NEB: variants seen among roughly 807,000 people sequenced by gnomAD.
NEB encodes the protein nebulin, also known as nemaline myopathy type 2.
A neutral mutation model predicts 952.2 loss-of-function variants in NEB; 512 were observed. The ratio of observed to expected loss-of-function variants is 0.54; its 90% CI spans 0.50 to 0.58. The LOEUF (loss-of-function observed/expected upper bound fraction) is 0.58, where lower values mean the gene tolerates loss of function less well. NEB is among the 20% of genes least tolerant of loss of function. The pLI, the probability that NEB is intolerant of heterozygous loss-of-function variation, is 0.00. For missense variants in NEB, 8,428 were observed against 9,231.1 expected (o/e 0.91, Z 3.56); for synonymous variants, 2,900 against 3,149.8 (o/e 0.92, Z 2.66).
At chr2:151,578,852 C>A (rs867161447) in intron 105 of NEB, among the ~76,000 whole-genome samples, 6 of 151,852 alleles carry the variant, frequency 4.0e-5, no homozygotes, top group Non-Finnish European at 7.4e-5. Flanking sequence ...AAGGCTGAGA[C>A]GGGTGGATCA....
chr2:151,712,651 A>G (rs982224248), intron 10 of NEB, among the ~76,000 whole-genome samples: 2 of 152,140 alleles, frequency 1.3e-5, no homozygotes, highest in Non-Finnish European at 2.9e-5. Context: ...CTACTGAGGA[A>G]GTTATGGCCT....
intron 60 of NEB, among the ~76,000 whole-genome samples, chr2:151,641,751 C>A (rs2098854310): frequency 1.3e-5 from 2 of 151,956 alleles, no homozygotes. Context: ...AGAAAAAAAT[C>A]TAGAGTTTTT....
chr2:151,671,192 C>A lies in NEB; in HGVS notation c.4337G>T (p.Gly1446Val), dbSNP rs541803470. Residue 1446 changes from glycine to valine, a missense_variant, in exon 38 of 182, where the codon GGC (glycine) becomes GTC (valine). This residue lies in a region of NEB where 2,851 missense variants were observed against 2,791.5 expected (regional missense o/e 1.02). Coordinates refer to ENST00000397345, the MANE Select transcript of NEB (RefSeq NM_001164508.2). ...GGAACCAATAGGGATCCATCCGATG[C>A]CCTTCAAGAAGCTGTTATACTCGTC... ...YKDEYNSFLKGIGWIPIGSLE... is the reference protein window; with the variant it reads ...YKDEYNSFLKVIGWIPIGSLE... 18 of 1,613,900 alleles carry A rather than the reference C, an allele frequency of 1.1e-5. No homozygotes were observed. The highest frequency in any genetic ancestry group is 1.5e-5 in the Non-Finnish European group (18 of 1,179,816).
intron 73 of NEB, 67 bp downstream of exon 73, chr2:151,619,384 A>T: frequency 7.0e-7 from 1 of 1,438,368 alleles, no homozygotes; most frequent in Non-Finnish European, 9.5e-7. Context: ...CATTGGCACT[A>T]GTCAGAACTC....
At position 151,545,756 on chromosome 2, in the gene NEB, T is replaced by C. The variant is rs2094591272; in HGVS notation, c.20577+132A>G. The C allele has an allele frequency of 1.0e-5, 6 of 601,994 alleles. No individual in the cohort carries two copies. In the South Asian group the frequency reaches 1.3e-4, roughly 13 times the overall value. 37.3% of individuals were successfully genotyped at this position (601,994 alleles called of 1,614,324 possible). ...CTTAGACATAGTAGCCATTCCACAGTTAAGAGGGGAAATATTTTACCTGCC... is the reference window on the plus strand; with the variant it reads ...CTTAGACATAGTAGCCATTCCACAGCTAAGAGGGGAAATATTTTACCTGCC... On this transcript the variant is annotated intron_variant, in intron 135 of 181. Transcript: ENST00000397345.
intron 47 of NEB, 109 bp from the exon 48 acceptor site, chr2:151,658,199 A>C: frequency 2.7e-6 from 2 of 742,088 alleles, no homozygotes; most frequent in Non-Finnish European, 4.4e-6. Flanking sequence ...TTTGAGCAGA[A>C]TGCTTCGTTG....
chr2:151,491,835 C>T (rs1228710451), intron 178 of NEB, 60 bp from the exon 179 acceptor site: 50 of 1,357,126 alleles, frequency 3.7e-5, no homozygotes, highest in Non-Finnish European at 4.8e-5. Flanking sequence ...AACTTGAAAA[C>T]CAAGGCATGA....
chr2:151,568,131 A>G lies in NEB; in HGVS notation c.17784T>C (p.Ile5928=), dbSNP rs969871854. ...GWERQKATGY[I]LPPDAVPFVH... ...CAAATGGCACAGCATCTGGAGGCAA[A>G]ATGTAACCTGTGGCTTTTTGTCTCT... The change falls in exon 113 of 182, where the codon ATT becomes ATC. Residue 5928 remains isoleucine, a synonymous_variant. Transcript: ENST00000397345. 1.2e-6 allele frequency: 2 copies of G among 1,613,722 alleles called. No homozygotes were observed. The highest frequency in any genetic ancestry group is 1.7e-5 in the Admixed American group (1 of 59,984).
At chr2:151,504,924 A>T (rs927371728) in intron 165 of NEB, among the ~76,000 whole-genome samples, 3 of 152,068 alleles carry the variant, frequency 2.0e-5, no homozygotes, top group African/African-American at 7.2e-5. Context: ...GTACCACTGC[A>T]TTTACTAGAT....
chr2:151,502,775 T>C lies in NEB; in HGVS notation c.23928+18A>G. 1 of 1,404,420 alleles carries C rather than the reference T, an allele frequency of 7.1e-7. No homozygotes were observed. The highest frequency in any genetic ancestry group is 1.0e-6 in the Non-Finnish European group (1 of 994,548). 87.0% of individuals were successfully genotyped at this position (1,404,420 alleles called of 1,614,324 possible). A position where few individuals can be genotyped will look rare whatever the true frequency, so the allele number is the denominator to read the frequency against. On this transcript the variant is annotated intron_variant, in intron 167 of 181. Coordinates refer to ENST00000397345, the MANE Select transcript of NEB (RefSeq NM_001164508.2). ...TAAAATTAAGGGATTTTTTTTTTTT[T>C]GGCCCCCTAAGAAATACCGAGCTAA...
chr2:151,501,640 T>G (rs2153077981), intron 167 of NEB, among the ~76,000 whole-genome samples, 157 bp from the exon 168 acceptor site: 1 of 152,306 alleles, frequency 6.6e-6, no homozygotes, highest in Non-Finnish European at 1.5e-5. Context: ...TAGATCCCCT[T>G]TGGACATTTA....
In NEB at chr2:151,636,314, A is replaced by G. The variant is rs576142462; in HGVS notation, c.9015T>C (p.Asn3005=). The G allele has an allele frequency of 4.4e-6, 7 of 1,607,312 alleles. No individual in the cohort carries two copies. In the South Asian group the frequency reaches 6.6e-5, roughly 15 times the overall value. Residue 3005 remains asparagine, a synonymous_variant, in exon 64 of 182, where the codon AAT becomes AAC. Transcript: ENST00000397345. ...NYSESLYKLA[N]EEAKKKGYDL... is the part of the protein sequence containing the mutation. ...CATAGCCTTTCTTCTTTGCTTCTTC[A>G]TTAGCAAGTTTGTACAGACTCTAAA...
At position 151,627,201 on chromosome 2, in the gene NEB, A is replaced by T; in HGVS notation, c.10148T>A (p.Ile3383Asn). 2 of 1,613,760 alleles carry T rather than the reference A, an allele frequency of 1.2e-6. No individual in the cohort carries two copies. Among genetic ancestry groups the T allele is most frequent in the Non-Finnish European group, 1.7e-6 (2 of 1,179,688 alleles). ...RQAYDLQSDN[I>N]YKSDLQWLRG... Reference sequence around the variant, plus strand: ...CAGCCACTGGAGATCAGATTTGTAAATGTTCTGGAGAGATTAAACACAAAA... The same window carrying T: ...CAGCCACTGGAGATCAGATTTGTAATTGTTCTGGAGAGATTAAACACAAAA... The change falls in exon 70 of 182, where the codon ATT (isoleucine) becomes AAT (asparagine). Residue 3383 changes from isoleucine to asparagine, a missense_variant. Transcript: ENST00000397345.
At chr2:151,714,917 T>C (rs946372305) in intron 10 of NEB, among the ~76,000 whole-genome samples, 2 of 152,174 alleles carry the variant, frequency 1.3e-5, no homozygotes, top group African/African-American at 4.8e-5. Flanking sequence ...TGGTTTGTTG[T>C]TGGGTGGACT....
rs373259828 is a variant in NEB, at chr2:151,568,064, G to A, written c.17844+7C>T. ...TTGCAAAATGCACTCCCATCAGGAT[G>A]TATTACCTCACTCTGAACGTCATTG... On this transcript the variant is annotated splice_region_variant and intron_variant, in intron 113 of 181. Transcript: ENST00000397345. 1.2e-4 allele frequency: 194 copies of A among 1,609,508 alleles called. No individual in the cohort carries two copies. Among genetic ancestry groups the A allele is most frequent in the East Asian group, 2.2e-4 (10 of 44,782 alleles).
intron 13 of NEB, among the ~76,000 whole-genome samples, 171 bp from the exon 14 acceptor site, chr2:151,697,819 C>T (rs1339514329): frequency 6.6e-6 from 1 of 152,222 alleles, no homozygotes; most frequent in Admixed American, 6.5e-5. Flanking sequence ...GTAATCCCAG[C>T]ACTTTAGGAG....
At chr2:151,488,319 G>GA (rs1287781264) in intron 181 of NEB, among the ~76,000 whole-genome samples, 1 of 151,764 alleles carries the variant, frequency 6.6e-6, no homozygotes, top group African/African-American at 2.4e-5. Context: ...CTAGATTTTG[G>GA]AATTTGCCTG....
rs187681782 is a variant in NEB, at chr2:151,550,502, A to G, written c.19945-762T>C. Among the ~76,000 whole-genome samples the G allele has an allele frequency of 5.3e-5, 8 of 152,290 alleles. 1 individual carries two copies. In the East Asian group the frequency reaches 1.5e-3, roughly 29 times the overall value. ...CTTCCAAACACAGTGTGTTGACATC[A>G]GGCCGTGAAGAGGTCAGGATGCATG... is the stretch of plus-strand genomic sequence containing the variant. On this transcript the variant is annotated intron_variant, in intron 129 of 181. Transcript: ENST00000397345.
chr2:151,666,151 G>C lies in NEB; in HGVS notation c.4970C>G (p.Thr1657Ser). The change falls in exon 41 of 182, where the codon ACT becomes AGT. Residue 1657 changes from threonine (T) to serine (S), a missense_variant. By Grantham distance (58) the Thr-to-Ser change is moderately conservative. Transcript: ENST00000397345. ...CACATTCAAGGCATCGGGCAGGAGA[G>C]TGTAGTGGTGGTATGACTGTCTGTA... ...ANYRQSYHHY[T>S]LLPDALNVEH... is the part of the protein sequence containing the mutation. 3 of 1,613,970 alleles carry C rather than the reference G, an allele frequency of 1.9e-6. No individual in the cohort carries two copies. Among genetic ancestry groups the C allele is most frequent in the Non-Finnish European group, 2.5e-6 (3 of 1,179,858 alleles).
Sources: allele counts gnomAD v4.1 joint callset (sites outside exome capture counted in the v4.1 genomes callset), GRCh38; gene constraint gnomAD v4.1.1; regional missense constraint gnomAD v4.1.1; transcripts MANE v1.5; gene names NCBI Gene and HGNC (gene_info 2026-07-23, HGNC 2026-07-21).